The following TRPC6 variants were observed in gnomAD, a reference collection of about 807,000 sequenced individuals.
TRPC6 encodes short transient receptor potential channel 6.
Under a neutral mutation model 90.7 loss-of-function variants are expected in TRPC6, and 55 were observed. That is an observed-to-expected ratio of 0.61 (90% CI 0.49 to 0.76). The LOEUF is 0.76. Among genes scored for constraint, TRPC6 ranks in the 30% least tolerant of loss-of-function variants. The pLI is 0.00. For synonymous variants in TRPC6, 393 were observed against 393.0 expected (o/e 1.00, Z 0.00); for missense variants, 989 against 1,122.7 (o/e 0.88, Z 1.70).
chr11:101,534,432 G>A (rs569937016), intron 1 of TRPC6, among the ~76,000 whole-genome samples: 2 of 152,090 alleles, frequency 1.3e-5, no homozygotes, highest in African/African-American at 2.4e-5. Context: ...CACTGCGACT[G>A]GTACCCCTTC....
intron 1 of TRPC6, among the ~76,000 whole-genome samples, chr11:101,533,288 C>G (rs546703764): frequency 3.9e-5 from 6 of 152,048 alleles, no homozygotes; most frequent in Non-Finnish European, 8.8e-5. Flanking sequence ...GGAGGCCTCA[C>G]GAGGCTTCCA....
chr11:101,477,699 T>C (rs1183177647), intron 5 of TRPC6, among the ~76,000 whole-genome samples: 1 of 152,206 alleles, frequency 6.6e-6, no homozygotes, highest in Non-Finnish European at 1.5e-5. Flanking sequence ...GTTTGTAAAA[T>C]GGGAATGATA....
intron 1 of TRPC6, among the ~76,000 whole-genome samples, chr11:101,573,032 C>T (rs1193305130): frequency 1.1e-4 from 16 of 151,688 alleles, no homozygotes; most frequent in Admixed American, 1.1e-3. Flanking sequence ...ATCAAATGAC[C>T]TAAGCTCCAA....
At chr11:101,470,812 C>A (rs754560759) in intron 9 of TRPC6, among the ~76,000 whole-genome samples, 1,839 of 68,410 alleles carry the variant, frequency 0.027, 45 homozygotes, top group Middle Eastern at 0.031. Context: ...GCCCCGCCCC[C>A]CCCCCCTCCC....
chr11:101,583,265 AC>A, intron 1 of TRPC6, 68 bp downstream of exon 1: 2 of 1,516,474 alleles, frequency 1.3e-6, no homozygotes, highest in Non-Finnish European at 1.8e-6. Context: ...GGACTCGGCC[AC>A]TCCTGCGAGC....
At chr11:101,516,216 C>T (rs568131825) in intron 1 of TRPC6, among the ~76,000 whole-genome samples, 58 of 151,720 alleles carry the variant, frequency 3.8e-4, no homozygotes, top group African/African-American at 1.3e-3. Flanking sequence ...TACATAGAAA[C>T]TTCCCTCTTA....
At chr11:101,519,774 A>G (rs1017051921) in intron 1 of TRPC6, 9 of 154,382 alleles carry the variant, frequency 5.8e-5, no homozygotes, top group African/African-American at 2.2e-4. Context: ...TCTAGATACT[A>G]GATCTAGATT....
chr11:101,549,155 A>C (rs188646797), intron 1 of TRPC6, among the ~76,000 whole-genome samples: 107 of 152,126 alleles, frequency 7.0e-4, no homozygotes, highest in African/African-American at 2.5e-3. Context: ...TGCCTGCTTT[A>C]ATCACCTGAA....
At chr11:101,522,310 C>G (rs572397373) in intron 1 of TRPC6, among the ~76,000 whole-genome samples, 1 of 152,274 alleles carries the variant, frequency 6.6e-6, no homozygotes, top group South Asian at 2.1e-4. Flanking sequence ...ATCACCTCCC[C>G]CTTCACTCTC....
At chr11:101,528,049 G>A (rs1428424576) in intron 1 of TRPC6, among the ~76,000 whole-genome samples, 7 of 151,980 alleles carry the variant, frequency 4.6e-5, no homozygotes, top group African/African-American at 1.7e-4. Context: ...CTCCAGCCTA[G>A]GTGACAGAGT....
At chr11:101,525,634 C>T (rs1341942212) in intron 1 of TRPC6, among the ~76,000 whole-genome samples, 5 of 152,094 alleles carry the variant, frequency 3.3e-5, no homozygotes, top group African/African-American at 9.7e-5. Context: ...GAACGTAACA[C>T]GTTTTTGGAA....
intron 1 of TRPC6, among the ~76,000 whole-genome samples, chr11:101,573,883 A>AAAAAATCAGAAACCGTCTGAACTAT (rs1555015109): frequency 1.5e-4 from 23 of 150,360 alleles, no homozygotes; most frequent in African/African-American, 3.7e-4. Context: ...AATCCTGGGA[A>AAAAAATCAGAAACCGTCTGAACTAT]CAGTAGTGAA....
intron 1 of TRPC6, among the ~76,000 whole-genome samples, chr11:101,572,932 AACC>A: frequency 6.6e-6 from 1 of 152,080 alleles, no homozygotes; most frequent in East Asian, 1.9e-4. Context: ...GGCTACAGCA[AACC>A]ACCATGGCAT....
chr11:101,500,202 T>G (rs1238703713), intron 2 of TRPC6, among the ~76,000 whole-genome samples: 1 of 113,924 alleles, frequency 8.8e-6, no homozygotes, highest in Non-Finnish European at 1.8e-5. Flanking sequence ...AAAATGTGTA[T>G]TTTTTTTCTT....
chr11:101,491,218 G>A (rs777877683), intron 3 of TRPC6, among the ~76,000 whole-genome samples: 22 of 152,030 alleles, frequency 1.4e-4, no homozygotes, highest in Non-Finnish European at 2.6e-4. Context: ...AGGCCGAGGC[G>A]GGCGGATCAC....
chr11:101,559,115 T>C (rs1235003247), intron 1 of TRPC6, among the ~76,000 whole-genome samples: 3 of 152,110 alleles, frequency 2.0e-5, no homozygotes, highest in East Asian at 3.9e-4. Flanking sequence ...AAGCCATATA[T>C]ATAAGGGGTT....
chr11:101,540,675 T>A (rs887902527), intron 1 of TRPC6, among the ~76,000 whole-genome samples: 1 of 152,212 alleles, frequency 6.6e-6, no homozygotes, highest in Non-Finnish European at 1.5e-5. Flanking sequence ...AATTTTCATG[T>A]AAGGAGTCCA....
intron 1 of TRPC6, among the ~76,000 whole-genome samples, chr11:101,535,372 C>A (rs7125175): frequency 1 from 152,135 of 152,136 alleles, 76,067 homozygotes; most frequent in Non-Finnish European, 1. Flanking sequence ...GTTACTAGCC[C>A]ACTTATTCCC....
chr11:101,528,710 A>G (rs1447437580), intron 1 of TRPC6, among the ~76,000 whole-genome samples: 2 of 152,152 alleles, frequency 1.3e-5, no homozygotes, highest in African/African-American at 4.8e-5. Context: ...TGCATATCTG[A>G]AAAACATAAA....
Sources: gnomAD v4.1 joint callset for allele counts (sites outside exome capture counted in the v4.1 genomes callset) on GRCh38, gnomAD v4.1.1 for gene constraint, MANE v1.5 for transcripts, NCBI Gene and HGNC (gene_info 2026-07-23, HGNC 2026-07-21) for gene names.